Variants in CELSR1 observed in about 807,000 individuals in gnomAD.
CELSR1 encodes the protein cadherin EGF LAG seven-pass G-type receptor 1, also known as adhesion G protein-coupled receptor C1.
In CELSR1, 110 loss-of-function variants were observed where a neutral mutation model predicts 249.1. The observed-to-expected ratio is 0.44, with a 90% CI of 0.38 to 0.52. The LOEUF is 0.52. Among genes scored for constraint, CELSR1 ranks in the 20% least tolerant of loss-of-function variants. The pLI, the probability that CELSR1 is intolerant of heterozygous loss-of-function variation, is 0.00. For synonymous variants in CELSR1, 2,113 were observed against 1,900.0 expected, an observed-to-expected ratio of 1.11 and a Z score of -2.92; for missense variants, 4,109 against 4,296.4, an observed-to-expected ratio of 0.96 and a Z score of 1.22.
Position 46,386,456 on chromosome 22 carries a change from G to A in CELSR1, c.6685C>T (p.Arg2229Cys), listed in dbSNP as rs139210959. 1.6e-5 allele frequency: 25 copies of A among 1,603,626 alleles called. No homozygotes were observed. The highest frequency in any genetic ancestry group is 1.8e-5 in the Non-Finnish European group (21 of 1,175,778). ...CGCAGGTACGTCCGCCGCACGTTGC[G>A]TGCCACGTTGCTGAAGTAGCCCTCG... is the stretch of plus-strand genomic sequence containing the variant. ...RLEGYFSNVARNVRRTYLRPF... is the reference protein window; with the variant it reads ...RLEGYFSNVACNVRRTYLRPF... Residue 2229 changes from arginine (R) to cysteine (C), a missense_variant, in exon 19 of 35, where the codon CGC (arginine) becomes TGC (cysteine). Coordinates refer to ENST00000674500, the MANE Select transcript of CELSR1 (RefSeq NM_001378328.1).
At chr22:46,470,951 CCT>C (rs1418660289) in intron 1 of CELSR1, among the ~76,000 whole-genome samples, 2 of 152,096 alleles carry the variant, frequency 1.3e-5, no homozygotes, top group Non-Finnish European at 2.9e-5. Flanking sequence ...GTGGCAAAAC[CCT>C]GTCTCTACTA....
intron 32 of CELSR1, 78 bp from the exon 33 acceptor site, chr22:46,364,814 G>T (rs1326890413): frequency 1.2e-5 from 17 of 1,381,678 alleles, no homozygotes; most frequent in Admixed American, 2.0e-5. Context: ...GGGTCTGGTG[G>T]CTCTGACCCA....
chr22:46,369,844 T>C (rs778745642), intron 25 of CELSR1, 40 bp from the exon 26 acceptor site: 45 of 1,561,340 alleles, frequency 2.9e-5, no homozygotes, highest in Non-Finnish European at 3.7e-5. Flanking sequence ...GAGGGCCACG[T>C]GCCCAGTGGC....
intron 1 of CELSR1, among the ~76,000 whole-genome samples, chr22:46,503,707 C>T (rs995697512): frequency 1.3e-5 from 2 of 152,230 alleles, no homozygotes; most frequent in Non-Finnish European, 2.9e-5. Flanking sequence ...ACAGAAGCCA[C>T]TAATGAACAA....
chr22:46,477,973 T>C (rs1265620367), intron 1 of CELSR1, among the ~76,000 whole-genome samples: 1 of 152,088 alleles, frequency 6.6e-6, no homozygotes, highest in Non-Finnish European at 1.5e-5. Context: ...ACCCACTGGA[T>C]GTCAGCAGCA....
rs970895871 is a variant in CELSR1 at position 46,398,058 on chromosome 22, C to A, written c.5527-210G>T. On this transcript the variant is annotated intron_variant, in intron 11 of 34. Coordinates refer to ENST00000674500, the MANE Select transcript of CELSR1 (RefSeq NM_001378328.1). This position sits in a 1 kb window ranked among gnomAD's most constrained non-coding sequence, Gnocchi z 7.2. ...GGCTGGGTGAGGAGCTCAGAGGGCACGCCAGCCTGAGCTCCTGGGGTGCGC... is the reference window on the plus strand; with the variant it reads ...GGCTGGGTGAGGAGCTCAGAGGGCAAGCCAGCCTGAGCTCCTGGGGTGCGC... Among the ~76,000 whole-genome samples the A allele has an allele frequency of 2.6e-5, 4 of 152,108 alleles. No homozygotes were observed. The highest frequency in any genetic ancestry group is 5.9e-5 in the Non-Finnish European group (4 of 68,006).
rs755977458 is a variant in CELSR1, at chr22:46,409,583, C to T, written c.5059+172G>A. Among the ~76,000 whole-genome samples the T allele has an allele frequency of 1.3e-4, 20 of 152,108 alleles. No homozygotes were observed. Among genetic ancestry groups the T allele is most frequent in the South Asian group, 2.1e-4 (1 of 4,832 alleles). Reference sequence around the variant, plus strand: ...CCCAGAAGCAGGAGCAGGGGCTCTGCGGAGGACAGTCTCTTGGAGAGGGCG... The same window carrying T: ...CCCAGAAGCAGGAGCAGGGGCTCTGTGGAGGACAGTCTCTTGGAGAGGGCG... On this transcript the variant is annotated intron_variant, in intron 8 of 34. Transcript: ENST00000674500. This position sits in a 1 kb window ranked among gnomAD's most constrained non-coding sequence, Gnocchi z 9.8.
At position 46,427,892 on chromosome 22, in the gene CELSR1, G is replaced by A. The variant is rs879369097; in HGVS notation, c.4611+5501C>T. Among the ~76,000 whole-genome samples, 2 of 152,144 alleles carry A rather than the reference G, an allele frequency of 1.3e-5. No individual in the cohort carries two copies. Among genetic ancestry groups the A allele is most frequent in the Admixed American group, 6.5e-5 (1 of 15,272 alleles). On this transcript the variant is annotated intron_variant, in intron 5 of 34. Coordinates refer to ENST00000674500, the MANE Select transcript of CELSR1 (RefSeq NM_001378328.1). The surrounding 1 kb of genome is among the most constrained non-coding windows in gnomAD (Gnocchi z 4.2). ...CTCACCCTGACCCAAGTGTCTGGGTGGAAGTCCTCGAGTTTTTAGAACATG... is the reference window on the plus strand; with the variant it reads ...CTCACCCTGACCCAAGTGTCTGGGTAGAAGTCCTCGAGTTTTTAGAACATG...
intron 4 of CELSR1, among the ~76,000 whole-genome samples, chr22:46,435,007 C>G (rs538684611): frequency 6.7e-6 from 1 of 149,278 alleles, no homozygotes; most frequent in African/African-American, 2.5e-5. Context: ...AAAAGAAGAA[C>G]AAAAACAAAA....
intron 3 of CELSR1, among the ~76,000 whole-genome samples, chr22:46,438,106 G>T (rs1239043884): frequency 6.6e-6 from 1 of 152,120 alleles, no homozygotes; most frequent in African/African-American, 2.4e-5. Flanking sequence ...ATAAAGAAGG[G>T]ACCCAAAGCC....
chr22:46,480,124 TC>T (rs2080251905), intron 1 of CELSR1, among the ~76,000 whole-genome samples: 1 of 152,102 alleles, frequency 6.6e-6, no homozygotes, highest in African/African-American at 2.4e-5. Context: ...ACAATCAAAA[TC>T]CCCTTCTCTT....
chr22:46,435,728 G>A (rs2147444899), intron 4 of CELSR1, among the ~76,000 whole-genome samples: 1 of 152,124 alleles, frequency 6.6e-6, no homozygotes, highest in South Asian at 2.1e-4. Flanking sequence ...TTGAGACAGA[G>A]TCTCACTCCG....
chr22:46,371,753 G>C (rs933134420), intron 25 of CELSR1, among the ~76,000 whole-genome samples: 1 of 109,894 alleles, frequency 9.1e-6, no homozygotes, highest in Non-Finnish European at 1.9e-5. Context: ...CTCTCCATCC[G>C]TCCATCCACC....
At position 46,381,821 on chromosome 22, in the gene CELSR1, C is replaced by G; in HGVS notation, c.7088+25G>C. 6.5e-7 allele frequency: 1 copy of G among 1,536,128 alleles called. No individual in the cohort carries two copies. Among genetic ancestry groups the G allele is most frequent in the South Asian group, 1.2e-5 (1 of 83,896 alleles). ...AGGAGCCTCCAGAACGGGCCCTCCC[C>G]GTGTGCCCCGTGCCCAGGCCTTACC... On this transcript the variant is annotated intron_variant, in intron 21 of 34. Coordinates refer to ENST00000674500, the MANE Select transcript of CELSR1 (RefSeq NM_001378328.1). This position sits in a 1 kb window ranked among gnomAD's most constrained non-coding sequence, Gnocchi z 6.0.
At chr22:46,385,735 T>G (rs1346844094) in intron 19 of CELSR1, among the ~76,000 whole-genome samples, 1 of 150,036 alleles carries the variant, frequency 6.7e-6, no homozygotes, top group Non-Finnish European at 1.5e-5. Context: ...TGGAGTGCAG[T>G]GGCATGATCT....
chr22:46,490,802 G>A lies in CELSR1; in HGVS notation c.3545-26457C>T, dbSNP rs760966397. 2.2e-4 allele frequency among the ~76,000 whole-genome samples: 34 copies of A among 152,174 alleles called. No individual in the cohort carries two copies. Among genetic ancestry groups the A allele is most frequent in the Non-Finnish European group, 3.8e-4 (26 of 68,006 alleles). ...CTCTTGTGAACAACCACCCACCATCGAGCACCCAGCTGGCCTGGGGCTGCT... is the reference window on the plus strand; with the variant it reads ...CTCTTGTGAACAACCACCCACCATCAAGCACCCAGCTGGCCTGGGGCTGCT... On this transcript the variant is annotated intron_variant, in intron 1 of 34. Transcript: ENST00000674500. The surrounding 1 kb of genome is among the most constrained non-coding windows in gnomAD (Gnocchi z 5.2).
chr22:46,365,502 C>T, intron 31 of CELSR1, 84 bp downstream of exon 31: 1 of 1,540,624 alleles, frequency 6.5e-7, no homozygotes, highest in East Asian at 2.4e-5. Context: ...GCTGCTAGTG[C>T]TTCTTCAGGG....
Position 46,537,336 on chromosome 22 carries a change from C to A in CELSR1, c.-166G>T, listed in dbSNP as rs907228543. 1.3e-3 allele frequency among the ~76,000 whole-genome samples: 189 copies of A among 148,986 alleles called. 2 individuals carry two copies. The highest frequency in any genetic ancestry group is 4.2e-3 in the African/African-American group (173 of 41,274). ...CCTGGCGGGGACTGTGGGGACCACG[C>A]GCCCGGCCTCCCCCGCAGCTTCCAC... On this transcript the variant is annotated 5_prime_UTR_variant, in exon 1 of 35. Coordinates refer to ENST00000674500, the MANE Select transcript of CELSR1 (RefSeq NM_001378328.1). The surrounding 1 kb of genome is among the most constrained non-coding windows in gnomAD (Gnocchi z 5.8).
At position 46,408,361 on chromosome 22, in the gene CELSR1, CTG is replaced by C. The variant is rs979316035; in HGVS notation, c.5226+633_5226+634del. 5.3e-5 allele frequency among the ~76,000 whole-genome samples: 8 copies of C among 152,244 alleles called. No individual in the cohort carries two copies. Among genetic ancestry groups the C allele is most frequent in the African/African-American group, 1.9e-4 (8 of 41,546 alleles). Reference sequence around the variant, plus strand: ...GCTGTGGCTTTTTGAGATGGAGTCTCTGTCTTGTCGTCCAGACTGGAGTGTGG... The same window carrying C: ...GCTGTGGCTTTTTGAGATGGAGTCTCTCTTGTCGTCCAGACTGGAGTGTGG... On this transcript the variant is annotated intron_variant, in intron 9 of 34. Transcript: ENST00000674500. The surrounding 1 kb of genome is among the most constrained non-coding windows in gnomAD (Gnocchi z 4.6).
Sources: gnomAD v4.1 joint callset for allele counts (sites outside exome capture counted in the v4.1 genomes callset) on GRCh38, gnomAD v4.1.1 for gene constraint, Gnocchi (gnomAD v3.1) non-coding constraint, MANE v1.5 for transcripts, NCBI Gene and HGNC (gene_info 2026-07-23, HGNC 2026-07-21) for gene names.